CACNB2: variants seen among roughly 807,000 people sequenced by gnomAD.
The protein encoded by CACNB2 is calcium voltage-gated channel auxiliary subunit beta 2.
Under a neutral mutation model 73.3 loss-of-function variants are expected in CACNB2, and 42 were observed. That is an observed-to-expected ratio of 0.57 (90% confidence interval 0.45 to 0.74). The LOEUF (loss-of-function observed/expected upper bound fraction) is 0.74, where lower values mean the gene tolerates loss of function less well. Ranked by LOEUF, CACNB2 falls within the 30% of genes least tolerant of loss-of-function variation. The pLI, the probability that CACNB2 is intolerant of heterozygous loss-of-function variation, is 0.00. For missense variants in CACNB2, 940 were observed against 853.0 expected (o/e 1.10, Z -1.27); for synonymous variants, 348 against 310.3 (o/e 1.12, Z -1.28).
chr10:18,285,180 T>C lies in CACNB2; in HGVS notation c.214-116744T>C, dbSNP rs146240131. ...AACCCATGAGCCATATACCCTGTATTCCTGTCTTTGTACAGTCCTCTCCCT... is the reference window on the plus strand; with the variant it reads ...AACCCATGAGCCATATACCCTGTATCCCTGTCTTTGTACAGTCCTCTCCCT... On this transcript the variant is annotated intron_variant, in intron 2 of 13. Coordinates refer to ENST00000324631, the MANE Select transcript of CACNB2 (RefSeq NM_201596.3). Among the ~76,000 whole-genome samples, 151 of 152,306 alleles carry C rather than the reference T, an allele frequency of 9.9e-4. 1 individual carries two copies. Among genetic ancestry groups the C allele is most frequent in the African/African-American group, 3.4e-3 (142 of 41,576 alleles).
Position 18,539,558 on chromosome 10 carries a change from G to A in CACNB2, c.1817G>A (p.Arg606Gln), listed in dbSNP as rs577739840. The change falls in exon 14 of 14, where the codon CGG becomes CAG. Residue 606 changes from arginine to glutamine, a missense_variant. Transcript: ENST00000324631. ...GSSDHRHRES[R>Q]HRSRDVDREQ... Reference sequence around the variant, plus strand: ...AGTGACCACAGACACAGGGAGTCCCGGCACCGTTCCCGGGACGTGGATCGA... The same window carrying A: ...AGTGACCACAGACACAGGGAGTCCCAGCACCGTTCCCGGGACGTGGATCGA... The A allele has an allele frequency of 4.3e-6, 7 of 1,613,312 alleles. No individual in the cohort carries two copies. Among genetic ancestry groups the A allele is most frequent in the African/African-American group, 2.7e-5 (2 of 74,624 alleles).
At chr10:18,225,601 C>G (rs2035961289) in intron 2 of CACNB2, among the ~76,000 whole-genome samples, 1 of 133,400 alleles carries the variant, frequency 7.5e-6, no homozygotes, top group Admixed American at 7.9e-5. Flanking sequence ...TCCTTCCTTC[C>G]TTTCTTCCGT....
intron 2 of CACNB2, among the ~76,000 whole-genome samples, chr10:18,331,603 A>G (rs1203744483): frequency 6.6e-6 from 1 of 152,108 alleles, no homozygotes; most frequent in Non-Finnish European, 1.5e-5. Context: ...TTCCTCCAAC[A>G]TGTTACTAGA....
intron 1 of CACNB2, among the ~76,000 whole-genome samples, chr10:18,149,909 C>T (rs947425860): frequency 6.6e-6 from 1 of 152,076 alleles, no homozygotes; most frequent in African/African-American, 2.4e-5. Flanking sequence ...CATACTTAAT[C>T]CTATGAGGTA....
chr10:18,249,576 A>G (rs148457538), intron 2 of CACNB2, among the ~76,000 whole-genome samples: 43 of 152,234 alleles, frequency 2.8e-4, no homozygotes, highest in African/African-American at 8.2e-4. Flanking sequence ...TTGAGATGCT[A>G]TCATCAGTGG....
intron 6 of CACNB2, 70 bp from the exon 7 acceptor site, chr10:18,514,166 T>G (rs1389417476): frequency 6.5e-6 from 10 of 1,539,802 alleles, no homozygotes; most frequent in Non-Finnish European, 9.0e-6. Flanking sequence ...TTTATTTGCT[T>G]TCATTTTATT....
chr10:18,364,880 T>C (rs1005604955), intron 2 of CACNB2, among the ~76,000 whole-genome samples: 3 of 152,210 alleles, frequency 2.0e-5, no homozygotes, highest in African/African-American at 7.2e-5. Context: ...ATAATAGGGT[T>C]TAAAAGTGAT....
intron 2 of CACNB2, among the ~76,000 whole-genome samples, chr10:18,378,036 G>A (rs1162148799): frequency 3.3e-5 from 5 of 152,140 alleles, no homozygotes; most frequent in African/African-American, 4.8e-5. Context: ...TTCTGCTTCA[G>A]CTGCTTGTTG....
At position 18,539,733 on chromosome 10, in the gene CACNB2, CGTTTGTGTTTTTTTTTTTTTTT is replaced by C; in HGVS notation, c.*10_*31del. The C allele has an allele frequency of 1.3e-6, 2 of 1,563,872 alleles. No individual in the cohort carries two copies. Among genetic ancestry groups the C allele is most frequent in the East Asian group, 2.3e-5 (1 of 43,094 alleles). On this transcript the variant is annotated 3_prime_UTR_variant, in exon 14 of 14. Transcript: ENST00000324631. ...TTTACATCCGCCAATGAGTTTTGCC[CGTTTGTGTTTTTTTTTTTTTTT>C]TTTTGAAGTCTTGTATAACTAACAG...
chr10:18,510,748 G>C (rs1053842188), intron 6 of CACNB2, among the ~76,000 whole-genome samples: 35 of 152,158 alleles, frequency 2.3e-4, no homozygotes, highest in African/African-American at 8.4e-4. Flanking sequence ...CATTTTAGGA[G>C]AGCCCTCAAA....
chr10:18,337,963 A>G (rs1313557319), intron 2 of CACNB2, among the ~76,000 whole-genome samples: 15 of 152,230 alleles, frequency 9.9e-5, no homozygotes, highest in Non-Finnish European at 2.2e-4. Flanking sequence ...TAAAATTCCT[A>G]GAAGAAAACA....
intron 2 of CACNB2, among the ~76,000 whole-genome samples, chr10:18,387,535 A>G (rs2043286245): frequency 6.6e-6 from 1 of 152,154 alleles, no homozygotes; most frequent in South Asian, 2.1e-4. Flanking sequence ...AGGAGATAAT[A>G]ATAATACTGA....
At chr10:18,495,036 A>C (rs546183538) in intron 3 of CACNB2, among the ~76,000 whole-genome samples, 8 of 152,304 alleles carry the variant, frequency 5.3e-5, no homozygotes, top group African/African-American at 1.7e-4. Context: ...TTAGAATAAA[A>C]ATTTAAAAGT....
intron 2 of CACNB2, among the ~76,000 whole-genome samples, chr10:18,165,539 A>G (rs1300404707): frequency 6.6e-6 from 1 of 152,204 alleles, no homozygotes; most frequent in Admixed American, 6.5e-5. Flanking sequence ...CAGCCTCCTG[A>G]GTAACTGGGA....
chr10:18,168,497 TTGTGTGTG>T (rs111401264), intron 2 of CACNB2, among the ~76,000 whole-genome samples: 2 of 149,822 alleles, frequency 1.3e-5, no homozygotes, highest in South Asian at 2.1e-4. Flanking sequence ...TCTTCCTTCT[TTGTGTGTG>T]TGTGTGTGTG....
At chr10:18,490,642 A>G (rs1056018333) in intron 3 of CACNB2, among the ~76,000 whole-genome samples, 14 of 152,268 alleles carry the variant, frequency 9.2e-5, no homozygotes, top group African/African-American at 2.2e-4. Context: ...CTCCCAACCA[A>G]CGTAGTATCC....
At chr10:18,256,172 A>G (rs2037279558) in intron 2 of CACNB2, among the ~76,000 whole-genome samples, 1 of 152,156 alleles carries the variant, frequency 6.6e-6, no homozygotes, top group African/African-American at 2.4e-5. Context: ...TTTGCTTTTA[A>G]GATATCTCGT....
At chr10:18,367,061 C>T (rs994541870) in intron 2 of CACNB2, among the ~76,000 whole-genome samples, 1 of 152,170 alleles carries the variant, frequency 6.6e-6, no homozygotes, top group African/African-American at 2.4e-5. Flanking sequence ...ACATGTACTA[C>T]GATGACGATG....
At chr10:18,272,393 T>C (rs2038092190) in intron 2 of CACNB2, among the ~76,000 whole-genome samples, 1 of 152,196 alleles carries the variant, frequency 6.6e-6, no homozygotes, top group Non-Finnish European at 1.5e-5. Flanking sequence ...ATATTCATAA[T>C]TACCCTCCAA....
Sources: allele counts gnomAD v4.1 joint callset (sites outside exome capture counted in the v4.1 genomes callset), GRCh38; gene constraint gnomAD v4.1.1; transcripts MANE v1.5; gene names NCBI Gene and HGNC (gene_info 2026-07-23, HGNC 2026-07-21).